Variants in RMDN2 observed in about 807,000 individuals in gnomAD.
The protein encoded by RMDN2 is regulator of microtubule dynamics 2, also known as regulator of microtubule dynamics protein 2.
Under a neutral mutation model 52.8 loss-of-function variants are expected in RMDN2, and 61 were observed. The ratio of observed to expected loss-of-function variants is 1.16; its 90% CI spans 0.94 to 1.43. RMDN2 has a LOEUF of 1.43. RMDN2 is among the 40% of genes most tolerant of loss of function. The pLI, the probability that RMDN2 is intolerant of heterozygous loss-of-function variation, is 0.00. For synonymous variants in RMDN2, 180 were observed against 153.1 expected (o/e 1.18, Z -1.30); for missense variants, 592 against 475.3 (o/e 1.25, Z -2.28).
intron 10 of RMDN2, among the ~76,000 whole-genome samples, chr2:38,062,583 C>T (rs950356309): frequency 6.6e-6 from 1 of 151,932 alleles, no homozygotes; most frequent in Non-Finnish European, 1.5e-5. Context: ...AGGATAAATA[C>T]CCAGGAGTGG....
At position 37,992,955 on chromosome 2, in the gene RMDN2, C is replaced by T. The variant is rs1675006547; in HGVS notation, c.945+1658C>T. ...TCTTTGACCAAGTCTCGCTCTGGCA[C>T]CCAGGCTGGAGTGCAGTGGCATGAT... On this transcript the variant is annotated intron_variant, in intron 7 of 10. Transcript: ENST00000354545. Among the ~76,000 whole-genome samples the T allele has an allele frequency of 2.6e-5, 4 of 152,126 alleles. No individual in the cohort carries two copies. In the South Asian group the frequency reaches 8.3e-4, roughly 32 times the overall value.
At chr2:37,921,115 A>G (rs749439442), upstream of RMDN2, among the ~76,000 whole-genome samples, 50 of 152,308 alleles carry the variant, frequency 3.3e-4, no homozygotes, top group Admixed American at 5.2e-4. Flanking sequence ...TAACATAAAT[A>G]TCGTTGTTAA....
chr2:37,968,102 G>T (rs1229778416), intron 2 of RMDN2, among the ~76,000 whole-genome samples: 1 of 152,010 alleles, frequency 6.6e-6, no homozygotes, highest in Non-Finnish European at 1.5e-5. Flanking sequence ...GTAGTTTCTT[G>T]GTCTCCCACA....
chr2:37,995,377 T>C (rs1379036354), intron 7 of RMDN2, among the ~76,000 whole-genome samples: 1 of 143,904 alleles, frequency 6.9e-6, no homozygotes, highest in Non-Finnish European at 1.6e-5. Context: ...ACACACACAC[T>C]CATAAATTTT....
At chr2:37,966,386 C>T (rs1027402190) in intron 2 of RMDN2, among the ~76,000 whole-genome samples, 1 of 151,750 alleles carries the variant, frequency 6.6e-6, no homozygotes, top group Admixed American at 6.6e-5. Flanking sequence ...CACTGCATTC[C>T]AGCCTGGGCA....
chr2:37,994,045 G>A (rs1052277462), intron 7 of RMDN2, among the ~76,000 whole-genome samples: 3 of 152,132 alleles, frequency 2.0e-5, no homozygotes, highest in African/African-American at 7.2e-5. Flanking sequence ...TGTAGAGGAA[G>A]GTACCTTTAG....
At position 37,929,629 on chromosome 2, in the gene RMDN2, C is replaced by T. The variant is rs539037690; in HGVS notation, c.352C>T (p.His118Tyr). The T allele has an allele frequency of 3.2e-6, 5 of 1,551,510 alleles. No homozygotes were observed. The South Asian group carries it at 3.6e-5, about 11-fold the overall frequency. The change falls in exon 2 of 11, where the codon CAT (histidine) becomes TAT (tyrosine). Residue 118 changes from histidine (H) to tyrosine (Y), a missense_variant. His to Tyr is a moderately conservative substitution (Grantham distance 83). Coordinates refer to ENST00000354545, the MANE Select transcript of RMDN2 (RefSeq NM_001170791.3). ...TGAACTTGGAGGGAAAATAACTGTT[C>T]ATAAGATAAGCCCTCAGCACAGAGC... The part of the protein sequence containing the change: ...QDELGGKITV[H>Y]KISPQHRARK...
chr2:37,985,916 G>A (rs960008529), intron 5 of RMDN2, among the ~76,000 whole-genome samples: 1 of 151,998 alleles, frequency 6.6e-6, no homozygotes, highest in South Asian at 2.1e-4. Flanking sequence ...TGACAATTTT[G>A]TATCAATATT....
chr2:37,952,300 T>G, intron 2 of RMDN2: 1 of 1,123,762 alleles, frequency 8.9e-7, no homozygotes, highest in Non-Finnish European at 1.3e-6. Flanking sequence ...TAACTCCCCT[T>G]TCCTCACAAA....
At chr2:38,007,738 C>A (rs1677323774) in intron 10 of RMDN2, among the ~76,000 whole-genome samples, 1 of 151,916 alleles carries the variant, frequency 6.6e-6, no homozygotes, top group Non-Finnish European at 1.5e-5. Flanking sequence ...TATTTCTTGC[C>A]TTCTGCTAGC....
At chr2:38,064,333 T>C (rs566395269) in intron 10 of RMDN2, among the ~76,000 whole-genome samples, 49 of 151,894 alleles carry the variant, frequency 3.2e-4, no homozygotes, top group African/African-American at 1.1e-3. Flanking sequence ...CTACTAAAAA[T>C]ACAAAAATTA....
chr2:37,999,904 TTTCCTTAGTTCTCCCACTCTCAAA>T (rs1286787821), intron 8 of RMDN2, among the ~76,000 whole-genome samples: 1 of 152,158 alleles, frequency 6.6e-6, no homozygotes, highest in East Asian at 1.9e-4. Context: ...TGGACACACA[TTTCCTTAGTTCTCCCACTCTCAAA>T]TTCTTCATCC....
intron 10 of RMDN2, among the ~76,000 whole-genome samples, chr2:38,049,799 T>C (rs1247621371): frequency 2.0e-5 from 3 of 152,138 alleles, no homozygotes; most frequent in Non-Finnish European, 2.9e-5. Flanking sequence ...GAACTCCTGG[T>C]CTCAAGTGAT....
At position 38,004,087 on chromosome 2, in the gene RMDN2, A is replaced by C. The variant is rs551693463; in HGVS notation, c.1098+43A>C. ...TCTGCTTTAAGATCACTTTGAACCT[A>C]TCGCATAAAAACGGATTATGTTTAA... On this transcript the variant is annotated intron_variant, in intron 9 of 10. Coordinates refer to ENST00000354545, the MANE Select transcript of RMDN2 (RefSeq NM_001170791.3). The C allele has an allele frequency of 6.9e-6, 11 of 1,605,542 alleles. 1 individual carries two copies. In the South Asian group the frequency reaches 1.2e-4, roughly 18 times the overall value.
At chr2:37,955,982 A>G (rs1553354543) in intron 2 of RMDN2, among the ~76,000 whole-genome samples, 1 of 151,622 alleles carries the variant, frequency 6.6e-6, no homozygotes. Context: ...TTTTGTCAGT[A>G]TTCATCAGGG....
At chr2:37,958,059 A>G (rs1669711921) in intron 2 of RMDN2, among the ~76,000 whole-genome samples, 1 of 152,124 alleles carries the variant, frequency 6.6e-6, no homozygotes, top group Non-Finnish European at 1.5e-5. Context: ...CTTGTAGTGT[A>G]GTTTGAAGTC....
Position 38,026,602 on chromosome 2 carries a change from T to C in RMDN2, c.1713+22386T>C, listed in dbSNP as rs116232340. Among the ~76,000 whole-genome samples the C allele has an allele frequency of 7.7e-3, 1,174 of 152,254 alleles. 9 individuals are homozygous for C. Among genetic ancestry groups the C allele is most frequent in the Non-Finnish European group, 0.013 (908 of 68,002 alleles). The stretch of plus-strand genomic sequence containing the variant: ...ATATAAGACTTTACTTGTTTTCTCT[T>C]TTTCTTTTTTTTAATTATACTTTAA... On this transcript the variant is annotated intron_variant, in intron 10 of 10. Coordinates refer to the RMDN2 transcript ENST00000234195.
chr2:38,062,698 T>C lies in RMDN2; in HGVS notation c.1714-4284T>C, dbSNP rs1682100013. Among the ~76,000 whole-genome samples, 4 of 152,232 alleles carry C rather than the reference T, an allele frequency of 2.6e-5. No homozygotes were observed. The South Asian group carries it at 8.3e-4, about 32-fold the overall frequency. On this transcript the variant is annotated intron_variant, in intron 10 of 10. Transcript: ENST00000234195. ...TTGTTACATATGTATACATGTACCA[T>C]GTTGGTGTGCTGCACCCATTAACTT...
intron 7 of RMDN2, among the ~76,000 whole-genome samples, chr2:37,995,469 G>A (rs565199992): frequency 2.6e-5 from 4 of 152,240 alleles, no homozygotes; most frequent in South Asian, 2.1e-4. Flanking sequence ...AAACTAGTGT[G>A]CTTGTAATAA....
Sources: allele counts gnomAD v4.1 joint callset (sites outside exome capture counted in the v4.1 genomes callset), GRCh38; gene constraint gnomAD v4.1.1; transcripts MANE v1.5; gene names NCBI Gene and HGNC (gene_info 2026-07-23, HGNC 2026-07-21).